Variants in RSPO2 observed in about 807,000 individuals in gnomAD.
RSPO2 encodes the protein R-spondin-2.
A neutral mutation model predicts 30.9 loss-of-function variants in RSPO2; 14 were observed. The ratio of observed to expected loss-of-function variants is 0.45; its 90% CI spans 0.30 to 0.71. The LOEUF is 0.71. Ranked by LOEUF, RSPO2 falls within the 30% of genes least tolerant of loss-of-function variation. The pLI is 0.08. For synonymous variants in RSPO2, 107 were observed against 96.4 expected (o/e 1.11, Z -0.64); for missense variants, 264 against 301.9 (o/e 0.87, Z 0.93).
At chr8:108,042,857 C>A (rs1437427625) in intron 2 of RSPO2, among the ~76,000 whole-genome samples, 1 of 152,100 alleles carries the variant, frequency 6.6e-6, no homozygotes, top group Non-Finnish European at 1.5e-5. Flanking sequence ...GCTTTAGACC[C>A]TCCTTCCTTC....
At chr8:107,981,551 G>A (rs1223426519) in intron 3 of RSPO2, among the ~76,000 whole-genome samples, 26 of 151,784 alleles carry the variant, frequency 1.7e-4, no homozygotes, top group Admixed American at 1.7e-3. Context: ...CAAGAAAACA[G>A]GTGTTTCTAA....
At chr8:107,949,811 C>G (rs1021372265) in intron 5 of RSPO2, among the ~76,000 whole-genome samples, 1 of 152,160 alleles carries the variant, frequency 6.6e-6, no homozygotes, top group Non-Finnish European at 1.5e-5. Flanking sequence ...AAAGCCTAAC[C>G]TTCACCATTA....
At chr8:107,979,938 A>C (rs1003221957) in intron 3 of RSPO2, among the ~76,000 whole-genome samples, 6 of 152,174 alleles carry the variant, frequency 3.9e-5, no homozygotes, top group African/African-American at 1.4e-4. Flanking sequence ...GACATTCTAC[A>C]ACAAGAGCAT....
chr8:107,955,368 A>G (rs920063515), intron 5 of RSPO2, among the ~76,000 whole-genome samples: 1 of 152,148 alleles, frequency 6.6e-6, no homozygotes, highest in African/African-American at 2.4e-5. Context: ...TAACAAGTTG[A>G]CACGATGTAG....
At chr8:108,018,008 C>T (rs1323616444) in intron 2 of RSPO2, among the ~76,000 whole-genome samples, 2 of 152,156 alleles carry the variant, frequency 1.3e-5, no homozygotes, top group East Asian at 3.8e-4. Context: ...AATCTTGCAT[C>T]ATTCAGCAAT....
intron 2 of RSPO2, among the ~76,000 whole-genome samples, chr8:108,003,302 TATATATA>T (rs1273537914): frequency 1.3e-4 from 3 of 23,696 alleles, no homozygotes; most frequent in African/African-American, 6.7e-4. Context: ...TATATATATA[TATATATA>T]TATTTTTTTT....
At chr8:108,017,073 G>A (rs999125121) in intron 2 of RSPO2, among the ~76,000 whole-genome samples, 4 of 150,872 alleles carry the variant, frequency 2.7e-5, no homozygotes, top group Non-Finnish European at 4.4e-5. Context: ...CTGGAGTGCA[G>A]TGGCGCGATC....
At chr8:108,041,988 C>G (rs1490137412) in intron 2 of RSPO2, among the ~76,000 whole-genome samples, 1 of 151,918 alleles carries the variant, frequency 6.6e-6, no homozygotes, top group African/African-American at 2.4e-5. Flanking sequence ...AATAAATAAC[C>G]AGAATGAAAT....
intron 2 of RSPO2, among the ~76,000 whole-genome samples, chr8:107,992,243 T>A (rs1485222790): frequency 4.7e-5 from 7 of 150,342 alleles, no homozygotes; most frequent in Non-Finnish European, 8.9e-5. Flanking sequence ...AATGAGATCA[T>A]GTCCTTTGCA....
At chr8:108,056,740 T>C (rs569881901) in intron 2 of RSPO2, among the ~76,000 whole-genome samples, 1 of 151,216 alleles carries the variant, frequency 6.6e-6, no homozygotes, top group Admixed American at 6.6e-5. Context: ...GTATTTCTAG[T>C]TCCATAAATG....
chr8:108,036,113 A>G (rs917329491), intron 2 of RSPO2, among the ~76,000 whole-genome samples: 4 of 152,158 alleles, frequency 2.6e-5, no homozygotes, highest in African/African-American at 4.8e-5. Context: ...ATGCCAGGTA[A>G]ACTAATACAG....
chr8:107,939,464 ATAAAT>A, intron 5 of RSPO2, among the ~76,000 whole-genome samples: 1 of 139,498 alleles, frequency 7.2e-6, no homozygotes, highest in Non-Finnish European at 1.5e-5. Context: ...GACAATTTAA[ATAAAT>A]TAAATTATCT....
intron 5 of RSPO2, among the ~76,000 whole-genome samples, chr8:107,921,740 A>C (rs1812181671): frequency 6.6e-6 from 1 of 152,162 alleles, no homozygotes; most frequent in Admixed American, 6.6e-5. Context: ...AAAGCATATC[A>C]AACAGCTTAT....
intron 2 of RSPO2, among the ~76,000 whole-genome samples, chr8:108,061,546 A>T (rs11782399): frequency 0.21 from 32,222 of 151,042 alleles, 3,634 homozygotes; most frequent in East Asian, 0.42. Context: ...AAATCCTTAG[A>T]GACCTACAAA....
chr8:108,021,122 T>TC (rs1309992614), intron 2 of RSPO2, among the ~76,000 whole-genome samples: 1 of 152,124 alleles, frequency 6.6e-6, no homozygotes, highest in South Asian at 2.1e-4. Flanking sequence ...ATGCAGAATA[T>TC]CCCCAATTTA....
intron 2 of RSPO2, among the ~76,000 whole-genome samples, chr8:108,010,061 T>TAAA (rs371959510): frequency 1.4e-5 from 2 of 143,728 alleles, no homozygotes; most frequent in African/African-American, 5.2e-5. Flanking sequence ...AAAATAAAAA[T>TAAA]AAAAAAAAAA....
intron 5 of RSPO2, among the ~76,000 whole-genome samples, chr8:107,903,256 T>C (rs1811534877): frequency 6.6e-6 from 1 of 152,066 alleles, no homozygotes; most frequent in Non-Finnish European, 1.5e-5. Flanking sequence ...CAAATTGAAA[T>C]TAAGTGAATG....
At chr8:107,995,389 T>A (rs1349477532) in intron 2 of RSPO2, among the ~76,000 whole-genome samples, 1 of 152,116 alleles carries the variant, frequency 6.6e-6, no homozygotes, top group East Asian at 1.9e-4. Context: ...TATATATGCA[T>A]GTATACATTA....
At chr8:107,971,578 A>G (rs1586589446) in intron 3 of RSPO2, among the ~76,000 whole-genome samples, 1 of 152,174 alleles carries the variant, frequency 6.6e-6, no homozygotes, top group African/African-American at 2.4e-5. Context: ...GTGCAGGTGA[A>G]TAACCATTAC....
Sources: allele counts gnomAD v4.1 joint callset (sites outside exome capture counted in the v4.1 genomes callset), GRCh38; gene constraint gnomAD v4.1.1; transcripts MANE v1.5; gene names NCBI Gene and HGNC (gene_info 2026-07-23, HGNC 2026-07-21).